DAB1: variants seen among roughly 807,000 people sequenced by gnomAD.
The protein encoded by DAB1 is disabled homolog 1.
In DAB1, 15 loss-of-function variants were observed where a neutral mutation model predicts 64.6. The observed-to-expected ratio is 0.23, with a 90% CI of 0.16 to 0.36. The LOEUF (loss-of-function observed/expected upper bound fraction) is 0.36. DAB1 is among the 10% of genes least tolerant of loss of function. The pLI is 1.00. For missense variants in DAB1, 596 were observed against 706.7 expected, an observed-to-expected ratio of 0.84 and a Z score of 1.78; for synonymous variants, 235 against 251.9, an observed-to-expected ratio of 0.93 and a Z score of 0.64.
chr1:57,960,806 C>T (rs564448212), intron 5 of DAB1, among the ~76,000 whole-genome samples: 57 of 152,372 alleles, frequency 3.7e-4, no homozygotes, highest in Non-Finnish European at 7.5e-4. Context: ...TTGTCTTTGG[C>T]CTAGGCCTAA....
At chr1:58,295,002 A>T (rs1661936789) in intron 4 of DAB1, among the ~76,000 whole-genome samples, 1 of 151,942 alleles carries the variant, frequency 6.6e-6, no homozygotes, top group Non-Finnish European at 1.5e-5. Context: ...TTTCTTAGTC[A>T]TTAGCAAAGC....
chr1:57,274,015 G>A (rs752204131), intron 2 of DAB1, among the ~76,000 whole-genome samples: 2 of 152,056 alleles, frequency 1.3e-5, no homozygotes, highest in Non-Finnish European at 2.9e-5. Flanking sequence ...TACCAACCTC[G>A]GCATTTGGCT....
chr1:58,293,778 T>C (rs1379128908), intron 4 of DAB1, among the ~76,000 whole-genome samples: 1 of 152,178 alleles, frequency 6.6e-6, no homozygotes, highest in Admixed American at 6.5e-5. Context: ...CTCATTTTCT[T>C]CCAAAGTGGT....
At chr1:57,915,573 C>T (rs531287962) in intron 5 of DAB1, among the ~76,000 whole-genome samples, 1 of 152,152 alleles carries the variant, frequency 6.6e-6, no homozygotes, top group Non-Finnish European at 1.5e-5. Context: ...CAATTCCCCC[C>T]CAGCTCATCT....
rs200737897 is a variant in DAB1, at chr1:57,481,345, G to A, written n.625+168247C>T. On this transcript the variant is annotated intron_variant and non_coding_transcript_variant, in intron 7 of 20. Coordinates refer to the DAB1 transcript ENST00000485760. ...CTCTCTGTCTCTCCCTGCCACCCTC[G>A]CCCCCAACACCTCTCTCATTCTTGC... Among the ~76,000 whole-genome samples, 15 of 151,808 alleles carry A rather than the reference G, an allele frequency of 9.9e-5. No individual in the cohort carries two copies. The East Asian group carries it at 1.7e-3, about 18-fold the overall frequency.
At chr1:57,348,495 T>C (rs545236925) in intron 1 of DAB1, among the ~76,000 whole-genome samples, 1 of 152,324 alleles carries the variant, frequency 6.6e-6, no homozygotes, top group South Asian at 2.1e-4. Context: ...AGATGCTAAC[T>C]GTGTTTAATT....
intron 4 of DAB1, among the ~76,000 whole-genome samples, chr1:58,204,875 G>A (rs1237824462): frequency 2.0e-5 from 3 of 152,116 alleles, no homozygotes; most frequent in Admixed American, 1.3e-4. Flanking sequence ...GTCACGATGT[G>A]ATTCCAACTA....
chr1:58,335,135 T>C (rs763021313), intron 4 of DAB1, among the ~76,000 whole-genome samples: 26 of 152,122 alleles, frequency 1.7e-4, no homozygotes, highest in Non-Finnish European at 3.1e-4. Flanking sequence ...AAAGGAACAT[T>C]TGAGCAAAGA....
At chr1:58,030,051 C>A (rs1454399591) in intron 5 of DAB1, among the ~76,000 whole-genome samples, 1 of 151,794 alleles carries the variant, frequency 6.6e-6, no homozygotes, top group Non-Finnish European at 1.5e-5. Flanking sequence ...ACTAAAAATA[C>A]AAAAATTAGC....
chr1:58,420,690 A>G (rs1047079871), intron 3 of DAB1, among the ~76,000 whole-genome samples: 2 of 152,008 alleles, frequency 1.3e-5, no homozygotes, highest in Non-Finnish European at 2.9e-5. Context: ...AACACTTCTG[A>G]GATGTTTCCT....
intron 1 of DAB1, among the ~76,000 whole-genome samples, chr1:57,299,421 A>G (rs1673452611): frequency 6.6e-6 from 1 of 152,256 alleles, no homozygotes; most frequent in African/African-American, 2.4e-5. Flanking sequence ...GGGAGGGAAT[A>G]CAATGTGTTT....
At chr1:57,205,443 C>A (rs911817922) in intron 2 of DAB1, among the ~76,000 whole-genome samples, 1 of 152,128 alleles carries the variant, frequency 6.6e-6, no homozygotes, top group Non-Finnish European at 1.5e-5. Flanking sequence ...ACCAGAGTCC[C>A]AAGAAGTAGA....
chr1:57,588,372 T>G (rs1645404663), intron 7 of DAB1, among the ~76,000 whole-genome samples: 1 of 152,236 alleles, frequency 6.6e-6, no homozygotes, highest in South Asian at 2.1e-4. Flanking sequence ...GTAAAGTTAA[T>G]TATTGGCAAA....
At chr1:57,026,162 C>T in intron 9 of DAB1, 119 bp from the exon 10 acceptor site, 1 of 729,862 alleles carries the variant, frequency 1.4e-6, no homozygotes, top group Non-Finnish European at 2.3e-6. Context: ...TCTAGATAAA[C>T]CGTAATCCTG....
chr1:57,258,444 T>C (rs969545471), intron 2 of DAB1, among the ~76,000 whole-genome samples: 1 of 152,092 alleles, frequency 6.6e-6, no homozygotes, highest in African/African-American at 2.4e-5. Flanking sequence ...GACAGATGTG[T>C]CCTCTCCCCT....
chr1:57,777,117 A>G (rs1428457090), intron 6 of DAB1, among the ~76,000 whole-genome samples: 2 of 116,660 alleles, frequency 1.7e-5, no homozygotes, highest in Non-Finnish European at 3.7e-5. Flanking sequence ...CACGTTAAAG[A>G]TTTTTCCGTT....
rs565285373 is a variant in DAB1 at position 57,946,414 on chromosome 1, G to T, written n.388-62252C>A. 5.9e-5 allele frequency among the ~76,000 whole-genome samples: 9 copies of T among 152,168 alleles called. No individual in the cohort carries two copies. The East Asian group carries it at 1.5e-3, about 26-fold the overall frequency. On this transcript the variant is annotated intron_variant and non_coding_transcript_variant, in intron 5 of 20. Coordinates refer to the DAB1 transcript ENST00000485760. ...CCACAAATTCTCATGGCCACAAATT[G>T]CACAAAAATATAAATTGTGCTGCCA...
At chr1:57,367,288 A>C (rs945691586) in intron 1 of DAB1, among the ~76,000 whole-genome samples, 1 of 151,910 alleles carries the variant, frequency 6.6e-6, no homozygotes, top group Non-Finnish European at 1.5e-5. Context: ...AAAAACAAAA[A>C]AAAGTCACAC....
intron 7 of DAB1, among the ~76,000 whole-genome samples, chr1:57,633,084 C>G (rs1314339979): frequency 6.6e-6 from 1 of 152,184 alleles, no homozygotes; most frequent in East Asian, 1.9e-4. Context: ...CTAAATCAGG[C>G]TCAAAGCTAT....
Sources: allele counts gnomAD v4.1 joint callset (sites outside exome capture counted in the v4.1 genomes callset), GRCh38; gene constraint gnomAD v4.1.1; transcripts MANE v1.5; gene names NCBI Gene and HGNC (gene_info 2026-07-23, HGNC 2026-07-21).